The following TBC1D15 variants were observed in gnomAD, a reference collection of about 807,000 sequenced individuals.
TBC1D15 encodes GAP for RAB7.
TBC1D15 carries 39 observed loss-of-function variants against 95.4 expected under a neutral mutation model. The ratio of observed to expected loss-of-function variants is 0.41; its 90% confidence interval spans 0.32 to 0.53. The LOEUF (loss-of-function observed/expected upper bound fraction) is 0.53, where lower values mean the gene tolerates loss of function less well. TBC1D15 is among the 20% of genes least tolerant of loss of function. The pLI is 0.29. For missense variants in TBC1D15, 733 were observed against 794.3 expected, an observed-to-expected ratio of 0.92 and a Z score of 0.93; for synonymous variants, 258 against 261.3, an observed-to-expected ratio of 0.99 and a Z score of 0.12.
Position 71,921,400 on chromosome 12 carries a change from G to T in TBC1D15, c.1749G>T (p.Val583=). The part of the protein sequence containing the change: ...HINELSMKID[V]EDILCKAEAI... Reference sequence around the variant, plus strand: ...ATGAATTGTCCATGAAAATTGATGTGGAAGATATACTCTGCAAGGCAGAAG... The same window carrying T: ...ATGAATTGTCCATGAAAATTGATGTTGAAGATATACTCTGCAAGGCAGAAG... Residue 583 remains valine (V), a synonymous_variant, in exon 16 of 17, where the codon GTG becomes GTT. Transcript: ENST00000485960. The T allele has an allele frequency of 6.4e-7, 1 of 1,563,466 alleles. No homozygotes were observed. Among genetic ancestry groups the T allele is most frequent in the Non-Finnish European group, 8.7e-7 (1 of 1,149,864 alleles).
At chr12:71,916,036 G>A (rs1013655249) in intron 12 of TBC1D15, among the ~76,000 whole-genome samples, 6 of 152,118 alleles carry the variant, frequency 3.9e-5, no homozygotes, top group Admixed American at 6.6e-5. Context: ...TGCATCTAAT[G>A]TAGGTCTAGG....
At chr12:71,885,206 A>G (rs934981115) in intron 5 of TBC1D15, among the ~76,000 whole-genome samples, 185 bp downstream of exon 5, 24 of 152,190 alleles carry the variant, frequency 1.6e-4, no homozygotes, top group African/African-American at 5.8e-4. Context: ...TATTTTAGTA[A>G]TTTGAATCTG....
intron 3 of TBC1D15, among the ~76,000 whole-genome samples, chr12:71,874,392 C>A (rs1057153316): frequency 1.3e-5 from 2 of 152,064 alleles, no homozygotes; most frequent in African/African-American, 4.8e-5. Context: ...TATACACTGT[C>A]TTTTGGTATC....
At chr12:71,905,164 T>G (rs1900378506) in intron 10 of TBC1D15, among the ~76,000 whole-genome samples, 2 of 152,338 alleles carry the variant, frequency 1.3e-5, no homozygotes, top group Middle Eastern at 6.8e-3. Context: ...CAAGAAGAAA[T>G]ACTGATAGTT....
intron 11 of TBC1D15, among the ~76,000 whole-genome samples, chr12:71,913,172 A>ATTG (rs1309965062): frequency 6.6e-6 from 1 of 152,070 alleles, no homozygotes; most frequent in African/African-American, 2.4e-5. Context: ...GATTGGGTTA[A>ATTG]GCCCAGTTGC....
intron 4 of TBC1D15, among the ~76,000 whole-genome samples, chr12:71,883,619 A>T (rs542999682): frequency 6.6e-6 from 1 of 152,138 alleles, no homozygotes; most frequent in Non-Finnish European, 1.5e-5. Flanking sequence ...AACACTGATT[A>T]ATAAGTCTTC....
intron 10 of TBC1D15, among the ~76,000 whole-genome samples, chr12:71,898,588 A>G (rs1053794937): frequency 5.3e-5 from 8 of 152,254 alleles, no homozygotes; most frequent in African/African-American, 9.6e-5. Flanking sequence ...GAGAACATAA[A>G]TGACCTGTCC....
At chr12:71,914,139 T>C (rs903216377) in intron 12 of TBC1D15, among the ~76,000 whole-genome samples, 6 of 151,936 alleles carry the variant, frequency 3.9e-5, no homozygotes, top group African/African-American at 1.4e-4. Flanking sequence ...GCCTGTAGTA[T>C]AGGAATAATC....
In TBC1D15 at chr12:71,839,806, G is replaced by C. The variant is rs747260729; in HGVS notation, c.25G>C (p.Gly9Arg). 7 of 1,614,154 alleles carry C rather than the reference G, an allele frequency of 4.3e-6. No individual in the cohort carries two copies. In the South Asian group the frequency reaches 6.6e-5, roughly 15 times the overall value. ...CATGGCGGCGGCGGGTGTTGTGAGC[G>C]GGAAGGTAGGTAACGGCCTCCAGGA... MAAAGVVS[G>R]KIIYEQEGVY... The change falls in exon 1 of 17, where the codon GGG becomes CGG. Residue 9 changes from glycine (G) to arginine (R), a missense_variant. By Grantham distance (125) the Gly-to-Arg change is moderately radical. Transcript: ENST00000485960.
intron 1 of TBC1D15, chr12:71,861,605 T>A: frequency 1.0e-6 from 1 of 983,572 alleles, no homozygotes; most frequent in Non-Finnish European, 1.4e-6. Context: ...TTGGTTTGTA[T>A]AAGTAATGGT....
Position 71,873,011 on chromosome 12 carries a change from A to AG in TBC1D15, c.204+9dup, listed in dbSNP as rs1331011898. On this transcript the variant is annotated intron_variant, in intron 3 of 16. Transcript: ENST00000485960. ...ATTCTCTATGCTAGAAAGGTATTTA[A>AG]GAAAAAAATGTGTTACTAAGGGAAT... 2 of 1,587,956 alleles carry AG rather than the reference A, an allele frequency of 1.3e-6. No individual in the cohort carries two copies. The highest frequency in any genetic ancestry group is 1.7e-4 in the Middle Eastern group (1 of 5,966).
intron 1 of TBC1D15, chr12:71,861,401 T>TA (rs1387496154): frequency 6.8e-7 from 1 of 1,464,440 alleles, no homozygotes; most frequent in Non-Finnish European, 9.0e-7. Context: ...ATTGTTTTTT[T>TA]CAGGTTTTTG....
chr12:71,861,608 G>C (rs7296729), intron 1 of TBC1D15: 76,027 of 922,934 alleles, frequency 0.082, 3,308 homozygotes, highest in South Asian at 0.16. Flanking sequence ...GTTTGTATAA[G>C]TAATGGTTTG....
intron 1 of TBC1D15, among the ~76,000 whole-genome samples, chr12:71,863,543 G>C (rs1169158070): frequency 2.6e-5 from 4 of 152,262 alleles, no homozygotes; most frequent in African/African-American, 7.2e-5. Flanking sequence ...TTGGGGACTT[G>C]TGAGCTTTCT....
intron 12 of TBC1D15, among the ~76,000 whole-genome samples, chr12:71,914,643 A>T (rs1025415730): frequency 1.3e-5 from 2 of 151,934 alleles, no homozygotes; most frequent in Non-Finnish European, 2.9e-5. Context: ...GACTACATAG[A>T]GGTTGCTGTG....
intron 11 of TBC1D15, chr12:71,907,534 A>T (rs2138904295): frequency 6.4e-6 from 1 of 157,070 alleles, no homozygotes; most frequent in South Asian, 1.9e-4. Flanking sequence ...ATAAATGAGG[A>T]TGGTGATAGC....
At chr12:71,869,751 C>CT (rs1210250499) in intron 1 of TBC1D15, among the ~76,000 whole-genome samples, 6 of 151,932 alleles carry the variant, frequency 3.9e-5, no homozygotes, top group Non-Finnish European at 8.8e-5. Context: ...TTTTTCATAT[C>CT]TTTTTTTGTG....
intron 6 of TBC1D15, chr12:71,894,267 T>C: frequency 2.8e-6 from 4 of 1,441,688 alleles, no homozygotes; most frequent in Non-Finnish European, 3.9e-6. Flanking sequence ...CCATCAAATA[T>C]TTTGTGTCAG....
At chr12:71,854,065 A>G (rs1037158786) in intron 1 of TBC1D15, among the ~76,000 whole-genome samples, 4 of 151,912 alleles carry the variant, frequency 2.6e-5, no homozygotes, top group African/African-American at 4.8e-5. Flanking sequence ...GGCATCCCCT[A>G]TTTCCCACAT....
Sources: allele counts gnomAD v4.1 joint callset (sites outside exome capture counted in the v4.1 genomes callset), GRCh38; gene constraint gnomAD v4.1.1; transcripts MANE v1.5; gene names NCBI Gene and HGNC (gene_info 2026-07-23, HGNC 2026-07-21).